Variants in NEDD8 observed in about 807,000 individuals in gnomAD.
NEDD8 encodes the protein ubiquitin-like protein NEDD8.
NEDD8 carries 1 observed loss-of-function variant against 13.8 expected under a neutral mutation model. That is an observed-to-expected ratio of 0.07 (90% CI 0.03 to 0.34). NEDD8 has a LOEUF of 0.34. NEDD8 is among the 10% of genes least tolerant of loss of function. NEDD8 has a pLI of 0.99. For synonymous variants in NEDD8, 31 were observed against 33.2 expected, an observed-to-expected ratio of 0.93 and a Z score of 0.23; for missense variants, 10 against 95.2, an observed-to-expected ratio of 0.10 and a Z score of 3.73.
At chr14:24,232,131 G>A (rs2040051406) in intron 1 of NEDD8, 119 bp downstream of exon 1, 1 of 1,533,204 alleles carries the variant, frequency 6.5e-7, no homozygotes, top group Admixed American at 1.8e-5. Flanking sequence ...GCGGAGCCCT[G>A]AGGCAGTCAG....
At chr14:24,225,292 A>G (rs2039874567) in intron 1 of NEDD8, among the ~76,000 whole-genome samples, 2 of 152,188 alleles carry the variant, frequency 1.3e-5, no homozygotes, top group Admixed American at 1.3e-4. Flanking sequence ...ATTTAAAGAA[A>G]TTGAAAACAC....
chr14:24,219,912 G>A (rs1228802123), intron 1 of NEDD8, among the ~76,000 whole-genome samples: 1 of 152,176 alleles, frequency 6.6e-6, no homozygotes, highest in Non-Finnish European at 1.5e-5. Flanking sequence ...AGCTGAGGTG[G>A]GTGGATTACC....
In NEDD8 at chr14:24,232,280, T is replaced by A. The variant is rs765959352; in HGVS notation, c.-13A>T. On this transcript the variant is annotated 5_prime_UTR_variant, in exon 1 of 4. Transcript: ENST00000250495. ...CTTTAATTAGCATCTTCTTTCCAGT[T>A]TGGGGCTGCACACGGATAAATTGCT... 6.2e-7 allele frequency: 1 copy of A among 1,613,680 alleles called. No individual in the cohort carries two copies. Among genetic ancestry groups the A allele is most frequent in the East Asian group, 2.2e-5 (1 of 44,868 alleles).
At chr14:24,218,557 G>T in intron 1 of NEDD8, 126 bp from the exon 2 acceptor site, 3 of 1,345,298 alleles carry the variant, frequency 2.2e-6, no homozygotes, top group Non-Finnish European at 3.2e-6. Context: ...CAGCAGCACT[G>T]CTTTGGAGAA....
rs1321389710 is a variant in NEDD8 at position 24,216,962 on chromosome 14, T to A, written c.*165A>T. 13 of 618,938 alleles carry A rather than the reference T, an allele frequency of 2.1e-5. No individual in the cohort carries two copies. In the East Asian group the frequency reaches 3.1e-4, roughly 15 times the overall value. The allele number at this position is 618,938 out of a possible 1,614,324, so 38.3% of individuals were successfully genotyped here. A position where few individuals can be genotyped will look rare whatever the true frequency, so the allele number is the denominator to read the frequency against. ...CACCCAGTAGCCAGCAAGGGCCCTCTGGGCCAGGAATACTGAATCCTGGGA... is the reference window on the plus strand; with the variant it reads ...CACCCAGTAGCCAGCAAGGGCCCTCAGGGCCAGGAATACTGAATCCTGGGA... On this transcript the variant is annotated 3_prime_UTR_variant, in exon 4 of 4. Transcript: ENST00000250495.
At position 24,225,028 on chromosome 14, in the gene NEDD8, G is replaced by A. The variant is rs544440479; in HGVS notation, c.19-6597C>T. Among the ~76,000 whole-genome samples, 4 of 151,992 alleles carry A rather than the reference G, an allele frequency of 2.6e-5. No individual in the cohort carries two copies. The South Asian group carries it at 6.2e-4, about 24-fold the overall frequency. ...ACAAAAATTAGTCAGGCATGGTGGC[G>A]CATGCCTGTAGTCCCAGCTACTCAA... is the stretch of plus-strand genomic sequence containing the variant. On this transcript the variant is annotated intron_variant, in intron 1 of 3. Coordinates refer to ENST00000250495, the MANE Select transcript of NEDD8 (RefSeq NM_006156.3).
intron 1 of NEDD8, chr14:24,228,657 T>TGCAGTAA (rs2039937268): frequency 7.3e-6 from 1 of 137,416 alleles, no homozygotes; most frequent in Non-Finnish European, 1.5e-5. Context: ...AGGTCGAGGC[T>TGCAGTAA]GCAGTAAGCT....
chr14:24,222,862 C>T (rs1284056456), intron 1 of NEDD8, among the ~76,000 whole-genome samples: 4 of 151,782 alleles, frequency 2.6e-5, no homozygotes, highest in Non-Finnish European at 5.9e-5. Flanking sequence ...GCCGAGGGGG[C>T]GGATCACGAG....
chr14:24,229,279 G>C (rs774873729), intron 1 of NEDD8, among the ~76,000 whole-genome samples: 1 of 152,180 alleles, frequency 6.6e-6, no homozygotes, highest in Non-Finnish European at 1.5e-5. Flanking sequence ...GAGTGCAATG[G>C]CACGATCTTG....
intron 1 of NEDD8, chr14:24,228,476 A>G (rs1258717489): frequency 1.3e-5 from 2 of 152,146 alleles, no homozygotes; most frequent in Non-Finnish European, 2.9e-5. Flanking sequence ...GCACTTTAGG[A>G]AGATGAGGTG....
intron 1 of NEDD8, among the ~76,000 whole-genome samples, chr14:24,226,265 G>A (rs1484931270): frequency 3.3e-5 from 5 of 152,084 alleles, no homozygotes; most frequent in African/African-American, 1.2e-4. Context: ...GCTGAGGCAG[G>A]TGGATCACTT....
chr14:24,223,085 C>CAAA (rs71426836), intron 1 of NEDD8, among the ~76,000 whole-genome samples: 44 of 75,588 alleles, frequency 5.8e-4, no homozygotes, highest in Non-Finnish European at 9.2e-4. Flanking sequence ...GACTGCATTT[C>CAAA]AAAAAAAAAA....
chr14:24,226,885 C>A (rs1325135351), intron 1 of NEDD8: 1 of 152,166 alleles, frequency 6.6e-6, no homozygotes, highest in African/African-American at 2.4e-5. Flanking sequence ...ACTCGTATAA[C>A]AATGTTCATA....
At chr14:24,220,573 C>T (rs776495944) in intron 1 of NEDD8, among the ~76,000 whole-genome samples, 5 of 152,294 alleles carry the variant, frequency 3.3e-5, no homozygotes, top group Non-Finnish European at 5.9e-5. Context: ...CCTCCTGCCT[C>T]GGCCTCCCAA....
chr14:24,229,332 G>C lies in NEDD8; in HGVS notation c.18+2918C>G, dbSNP rs182639784. 4.0e-3 allele frequency among the ~76,000 whole-genome samples: 605 copies of C among 152,272 alleles called. 10 individuals carry two copies. The highest frequency in any genetic ancestry group is 3.4e-3 in the Middle Eastern group (1 of 294). ...CCTCCCAGGTTCAAGCAATTCTCCT[G>C]CCTCACCCTGTCAAGTGGCTGGGAC... is the stretch of plus-strand genomic sequence containing the variant. On this transcript the variant is annotated intron_variant, in intron 1 of 3. Transcript: ENST00000250495.
intron 1 of NEDD8, among the ~76,000 whole-genome samples, chr14:24,219,228 G>A (rs1207853528): frequency 6.6e-6 from 1 of 151,844 alleles, no homozygotes; most frequent in African/African-American, 2.4e-5. Context: ...TTGGGAGACT[G>A]AGGCGGGAGG....
chr14:24,219,811 CCTT>C (rs757764808), intron 1 of NEDD8, among the ~76,000 whole-genome samples: 3 of 152,106 alleles, frequency 2.0e-5, no homozygotes. Context: ...AATATCCTCC[CCTT>C]CTTCTCCAAA....
Position 24,232,284 on chromosome 14 carries a change from G to A in NEDD8, c.-17C>T. On this transcript the variant is annotated 5_prime_UTR_variant, in exon 1 of 4. Transcript: ENST00000250495. Reference sequence around the variant, plus strand: ...AATTAGCATCTTCTTTCCAGTTTGGGGCTGCACACGGATAAATTGCTGCTC... The same window carrying A: ...AATTAGCATCTTCTTTCCAGTTTGGAGCTGCACACGGATAAATTGCTGCTC... 1 of 1,613,826 alleles carries A rather than the reference G, an allele frequency of 6.2e-7. No homozygotes were observed. The highest frequency in any genetic ancestry group is 1.1e-5 in the South Asian group (1 of 91,060).
At chr14:24,226,792 G>A (rs1163718957) in intron 1 of NEDD8, 1 of 152,140 alleles carries the variant, frequency 6.6e-6, no homozygotes. Flanking sequence ...TCTTTTTAAA[G>A]TTACATATAT....
Sources: gnomAD v4.1 joint callset for allele counts (sites outside exome capture counted in the v4.1 genomes callset) on GRCh38, gnomAD v4.1.1 for gene constraint, MANE v1.5 for transcripts, NCBI Gene and HGNC (gene_info 2026-07-23, HGNC 2026-07-21) for gene names.